The following RBFOX1 variants were observed in gnomAD, a reference collection of about 807,000 sequenced individuals.
RBFOX1 encodes the protein RNA binding fox-1 homolog 1.
A neutral mutation model predicts 57.7 loss-of-function variants in RBFOX1; 8 were observed. The ratio of observed to expected loss-of-function variants is 0.14; its 90% CI spans 0.08 to 0.25. The LOEUF (loss-of-function observed/expected upper bound fraction) is 0.25, where lower values mean the gene tolerates loss of function less well. Ranked by LOEUF, RBFOX1 falls within the 10% of genes least tolerant of loss-of-function variation. The pLI is 1.00. For missense variants in RBFOX1, 611 were observed against 548.5 expected, an observed-to-expected ratio of 1.11 and a Z score of -1.14; for synonymous variants, 326 against 222.4, an observed-to-expected ratio of 1.47 and a Z score of -4.15.
chr16:6,840,219 G>T (rs1253030888), intron 3 of RBFOX1, among the ~76,000 whole-genome samples: 1 of 152,114 alleles, frequency 6.6e-6, no homozygotes, highest in Non-Finnish European at 1.5e-5. Context: ...CTAAAAAGAG[G>T]TCTTTCTTTC....
chr16:7,144,738 T>G (rs1217150039), intron 4 of RBFOX1, among the ~76,000 whole-genome samples: 3 of 152,022 alleles, frequency 2.0e-5, no homozygotes, highest in Non-Finnish European at 2.9e-5. Context: ...CACCTACATA[T>G]GAGAAAATAA....
intron 3 of RBFOX1, among the ~76,000 whole-genome samples, chr16:5,651,566 G>C (rs1464058583): frequency 6.6e-6 from 1 of 151,956 alleles, no homozygotes; most frequent in Non-Finnish European, 1.5e-5. Flanking sequence ...GCATTTTTTC[G>C]GGGGAAATGA....
intron 5 of RBFOX1, among the ~76,000 whole-genome samples, chr16:7,566,233 C>A (rs1472382658): frequency 6.6e-6 from 1 of 152,114 alleles, no homozygotes; most frequent in Non-Finnish European, 1.5e-5. Context: ...TCTAGTAGTT[C>A]AAACCACACA....
intron 2 of RBFOX1, among the ~76,000 whole-genome samples, chr16:6,555,102 G>A (rs913809352): frequency 5.3e-5 from 8 of 152,182 alleles, no homozygotes; most frequent in African/African-American, 1.9e-4. Context: ...AGGAGGATAA[G>A]GGGGTGCCTC....
At chr16:5,913,230 C>T (rs568283894) in intron 4 of RBFOX1, among the ~76,000 whole-genome samples, 25 of 152,268 alleles carry the variant, frequency 1.6e-4, no homozygotes, top group African/African-American at 2.2e-4. Context: ...ATTTATCCCA[C>T]GGTTATTTAT....
intron 1 of RBFOX1, among the ~76,000 whole-genome samples, chr16:5,371,785 A>G (rs1218345088): frequency 1.3e-5 from 2 of 151,914 alleles, no homozygotes; most frequent in Non-Finnish European, 2.9e-5. Flanking sequence ...CCTGGGTTGC[A>G]CCTTGGCCCT....
chr16:6,965,316 TG>T (rs1568121060), intron 3 of RBFOX1, among the ~76,000 whole-genome samples: 3 of 330 alleles, frequency 9.1e-3, no homozygotes, highest in East Asian at 0.11. Flanking sequence ...TTTCTTTTGT[TG>T]TGTGTGTGTG....
chr16:6,410,547 A>G (rs1338287630), intron 2 of RBFOX1, among the ~76,000 whole-genome samples: 2 of 151,870 alleles, frequency 1.3e-5, no homozygotes, highest in African/African-American at 2.4e-5. Flanking sequence ...TCCTGACCTC[A>G]TGATCCACCC....
At chr16:7,582,935 G>A (rs1003182613) in intron 6 of RBFOX1, among the ~76,000 whole-genome samples, 2 of 152,080 alleles carry the variant, frequency 1.3e-5, no homozygotes, top group Non-Finnish European at 1.5e-5. Context: ...TCATTACAAC[G>A]TCTGTAACCA....
At chr16:7,630,554 T>C in intron 10 of RBFOX1, 49 bp from the exon 11 acceptor site, 1 of 1,610,554 alleles carries the variant, frequency 6.2e-7, no homozygotes. Context: ...CTCTCAGGTG[T>C]AGTGTACCGA....
At chr16:6,275,114 C>G (rs931487517) in intron 1 of RBFOX1, among the ~76,000 whole-genome samples, 4 of 152,140 alleles carry the variant, frequency 2.6e-5, no homozygotes, top group African/African-American at 9.7e-5. Flanking sequence ...ATACCTACAT[C>G]TCTGAGATTA....
At chr16:5,920,594 C>T (rs983358063) in intron 4 of RBFOX1, among the ~76,000 whole-genome samples, 3 of 152,104 alleles carry the variant, frequency 2.0e-5, no homozygotes, top group African/African-American at 4.8e-5. Context: ...CCAGGCAGCT[C>T]TGTACTGGGC....
At chr16:6,502,183 G>A (rs1243203680) in intron 2 of RBFOX1, among the ~76,000 whole-genome samples, 1 of 152,064 alleles carries the variant, frequency 6.6e-6, no homozygotes, top group African/African-American at 2.4e-5. Flanking sequence ...GAGAAATTTT[G>A]TGCTTCTGTT....
At chr16:6,266,434 C>T (rs1213538397) in intron 1 of RBFOX1, among the ~76,000 whole-genome samples, 1 of 152,154 alleles carries the variant, frequency 6.6e-6, no homozygotes, top group Non-Finnish European at 1.5e-5. Flanking sequence ...TACTAACAGG[C>T]CAGACACAAT....
intron 3 of RBFOX1, among the ~76,000 whole-genome samples, chr16:7,000,371 G>T (rs2092674610): frequency 6.6e-6 from 1 of 152,004 alleles, no homozygotes; most frequent in African/African-American, 2.4e-5. Context: ...TTATTAAACT[G>T]GTACCACCTC....
rs556959548 is a variant in RBFOX1, at chr16:6,864,547, CTT to C, written c.-15-187495_-15-187494del. Among the ~76,000 whole-genome samples, 847 of 139,440 alleles carry C rather than the reference CTT, an allele frequency of 6.1e-3. 6 individuals are homozygous for C. The highest frequency in any genetic ancestry group is 0.019 in the African/African-American group (733 of 38,650). The allele number at this position is 139,440 out of a possible 152,430, so 91.5% of individuals were successfully genotyped here. A position where few individuals can be genotyped will look rare whatever the true frequency, so the allele number is the denominator to read the frequency against. On this transcript the variant is annotated intron_variant, in intron 3 of 15. Coordinates refer to ENST00000550418, the MANE Select transcript of RBFOX1 (RefSeq NM_018723.4). The stretch of plus-strand genomic sequence containing the variant: ...TAAACCCCCCTATTCTCTCCTTCCT[CTT>C]TTTTTTTTTTTTTTAATCATGGCCT...
At chr16:5,533,722 G>T (rs1471765264) in intron 2 of RBFOX1, among the ~76,000 whole-genome samples, 1 of 152,206 alleles carries the variant, frequency 6.6e-6, no homozygotes, top group Admixed American at 6.5e-5. Context: ...TGACCATGTG[G>T]AGTGTGTTTC....
chr16:7,296,046 T>C (rs1328844696), intron 4 of RBFOX1, among the ~76,000 whole-genome samples: 1 of 152,060 alleles, frequency 6.6e-6, no homozygotes, highest in Non-Finnish European at 1.5e-5. Flanking sequence ...GTATTGTTGA[T>C]ACTTGTTGTG....
chr16:6,951,895 C>G (rs768659934), intron 3 of RBFOX1, among the ~76,000 whole-genome samples: 2 of 151,522 alleles, frequency 1.3e-5, no homozygotes, highest in East Asian at 1.9e-4. Context: ...ACCACCATGC[C>G]CAGCTAATTT....
Sources: gnomAD v4.1 joint callset for allele counts (sites outside exome capture counted in the v4.1 genomes callset) on GRCh38, gnomAD v4.1.1 for gene constraint, MANE v1.5 for transcripts, NCBI Gene and HGNC (gene_info 2026-07-23, HGNC 2026-07-21) for gene names.